Variants in CLSTN2 observed in about 807,000 individuals in gnomAD.
CLSTN2 encodes calsyntenin-2.
CLSTN2 carries 48 observed loss-of-function variants against 101.2 expected under a neutral mutation model. That is an observed-to-expected ratio of 0.47 (90% CI 0.38 to 0.60). The LOEUF is 0.60. Among genes scored for constraint, CLSTN2 ranks in the 20% least tolerant of loss-of-function variants. The pLI is 0.00. For missense variants in CLSTN2, 1,160 were observed against 1,238.2 expected (o/e 0.94, Z 0.95); for synonymous variants, 481 against 463.6 (o/e 1.04, Z -0.48).
intron 8 of CLSTN2, among the ~76,000 whole-genome samples, chr3:140,486,652 TAGAC>T (rs1406140581): frequency 1.3e-5 from 2 of 152,120 alleles, no homozygotes; most frequent in Non-Finnish European, 2.9e-5. Context: ...TTTCTTGAAA[TAGAC>T]AGACAAAAGG....
At chr3:140,274,933 G>A (rs1001914276) in intron 2 of CLSTN2, among the ~76,000 whole-genome samples, 5 of 152,140 alleles carry the variant, frequency 3.3e-5, no homozygotes, top group Admixed American at 1.3e-4. Flanking sequence ...GGGCTCCTGT[G>A]GCTTTAGTCC....
At chr3:140,204,561 G>C (rs1271528101) in intron 2 of CLSTN2, among the ~76,000 whole-genome samples, 3 of 152,026 alleles carry the variant, frequency 2.0e-5, no homozygotes, top group African/African-American at 7.3e-5. Flanking sequence ...TTGGGAAAAG[G>C]CAAATCCTTG....
intron 7 of CLSTN2, among the ~76,000 whole-genome samples, chr3:140,463,606 G>A (rs959825395): frequency 6.6e-5 from 10 of 152,176 alleles, no homozygotes; most frequent in African/African-American, 2.4e-4. Flanking sequence ...GGCGAGTCCT[G>A]GAAAGGCCTG....
chr3:140,541,026 C>T (rs920134095), intron 9 of CLSTN2, among the ~76,000 whole-genome samples: 2 of 152,228 alleles, frequency 1.3e-5, no homozygotes, highest in Non-Finnish European at 2.9e-5. Context: ...CTGCTGAAGC[C>T]ATTCTGTGTC....
At chr3:139,937,638 G>C (rs915901161) in intron 1 of CLSTN2, among the ~76,000 whole-genome samples, 18 of 151,934 alleles carry the variant, frequency 1.2e-4, no homozygotes, top group Non-Finnish European at 2.5e-4. Flanking sequence ...CAGCTACTCG[G>C]GAGGCTGAGG....
chr3:140,025,945 T>C (rs1213090266), intron 1 of CLSTN2, among the ~76,000 whole-genome samples: 3 of 152,290 alleles, frequency 2.0e-5, no homozygotes, highest in East Asian at 3.9e-4. Context: ...TCAAGGGCTC[T>C]GTGGTTGCTG....
Position 140,096,141 on chromosome 3 carries a change from G to T in CLSTN2, c.110-79810G>T, listed in dbSNP as rs78823436. On this transcript the variant is annotated intron_variant, in intron 1 of 16. Transcript: ENST00000458420. ...GCAAAGCCCAGTTTTAGAGTTCTCT[G>T]CTTCATCATCCTCATGCCTTCCTGA... 3.1e-3 allele frequency among the ~76,000 whole-genome samples: 472 copies of T among 152,260 alleles called. 1 individual carries two copies. Among genetic ancestry groups the T allele is most frequent in the Non-Finnish European group, 5.7e-3 (387 of 68,024 alleles).
At chr3:140,427,223 A>ATATATATATATG in intron 5 of CLSTN2, among the ~76,000 whole-genome samples, 1 of 102,926 alleles carries the variant, frequency 9.7e-6, no homozygotes, top group South Asian at 2.5e-4. Context: ...ATATATATAT[A>ATATATATATATG]TGTGTGTATA....
At chr3:140,208,372 G>T (rs1559806913) in intron 2 of CLSTN2, among the ~76,000 whole-genome samples, 1 of 152,140 alleles carries the variant, frequency 6.6e-6, no homozygotes, top group East Asian at 1.9e-4. Flanking sequence ...GTATTTAGGA[G>T]AATAGACTTC....
Position 140,175,994 on chromosome 3 carries a change from C to T in CLSTN2, c.153C>T (p.Val51=), listed in dbSNP as rs200226012. The change falls in exon 2 of 17, where the codon GTC becomes GTT. Residue 51 remains valine (V), a synonymous_variant. Transcript: ENST00000458420. ...GGATCGAGACTTCATATCATGGAGT[C>T]ATAACTGAGAACAATGACACAGTCA... ...KPWIETSYHG[V]ITENNDTVIL... is the part of the protein sequence containing the mutation. 15 of 1,613,500 alleles carry T rather than the reference C, an allele frequency of 9.3e-6. No individual in the cohort carries two copies. The highest frequency in any genetic ancestry group is 6.7e-5 in the Admixed American group (4 of 59,974).
At chr3:140,428,330 T>C (rs2088594694) in intron 5 of CLSTN2, among the ~76,000 whole-genome samples, 1 of 151,858 alleles carries the variant, frequency 6.6e-6, no homozygotes, top group Non-Finnish European at 1.5e-5. Context: ...CATTTTCCCT[T>C]TTATTGTTGC....
chr3:140,375,572 C>T (rs2087908415), intron 2 of CLSTN2, among the ~76,000 whole-genome samples: 1 of 152,144 alleles, frequency 6.6e-6, no homozygotes, highest in Non-Finnish European at 1.5e-5. Flanking sequence ...CCGCTTTGCT[C>T]TTTTGTTTCT....
At chr3:140,107,964 G>A (rs932582029) in intron 1 of CLSTN2, among the ~76,000 whole-genome samples, 1 of 152,160 alleles carries the variant, frequency 6.6e-6, no homozygotes, top group African/African-American at 2.4e-5. Flanking sequence ...AGGCAATTTG[G>A]GACCTTGATC....
intron 4 of CLSTN2, among the ~76,000 whole-genome samples, chr3:140,412,635 T>G (rs2088377217): frequency 6.6e-6 from 1 of 152,214 alleles, no homozygotes; most frequent in Non-Finnish European, 1.5e-5. Context: ...TAACATAAAA[T>G]TGTAAGCATT....
chr3:140,183,713 C>T (rs2010442799), intron 2 of CLSTN2, among the ~76,000 whole-genome samples: 1 of 152,136 alleles, frequency 6.6e-6, no homozygotes, highest in Admixed American at 6.5e-5. Context: ...CATCATTGTA[C>T]TGAAAACAAC....
intron 1 of CLSTN2, among the ~76,000 whole-genome samples, chr3:140,103,022 A>G (rs1438312354): frequency 1.3e-5 from 2 of 152,188 alleles, no homozygotes; most frequent in Non-Finnish European, 2.9e-5. Context: ...AAATCACATA[A>G]CTTACTGCCT....
At chr3:140,521,633 G>C (rs1161454616) in intron 8 of CLSTN2, among the ~76,000 whole-genome samples, 1 of 152,212 alleles carries the variant, frequency 6.6e-6, no homozygotes, top group African/African-American at 2.4e-5. Context: ...AAGAAATCTG[G>C]CTGATTTTTG....
In CLSTN2 at chr3:139,935,328, C is replaced by G. The variant is rs934178225; in HGVS notation, c.-47C>G. On this transcript the variant is annotated 5_prime_UTR_variant, in exon 1 of 17. Transcript: ENST00000458420. The surrounding 1 kb of genome is among the most constrained non-coding windows in gnomAD (Gnocchi z 5.5). ...GCAGGCACCGGGAGGCGAGAGCCGGCGCGGACAGTAGGCGGCGGCTGCAGC... is the reference window on the plus strand; with the variant it reads ...GCAGGCACCGGGAGGCGAGAGCCGGGGCGGACAGTAGGCGGCGGCTGCAGC... The G allele has an allele frequency of 1.9e-5, 20 of 1,065,794 alleles. No homozygotes were observed. In the Admixed American group the frequency reaches 7.8e-4, roughly 42 times the overall value. 66.0% of individuals were successfully genotyped at this position (1,065,794 alleles called of 1,614,324 possible).
chr3:139,963,380 C>A (rs942537405), intron 1 of CLSTN2, among the ~76,000 whole-genome samples: 1 of 152,122 alleles, frequency 6.6e-6, no homozygotes, highest in Non-Finnish European at 1.5e-5. Flanking sequence ...TCTAGTCCTA[C>A]TTTTCCAATC....
Sources: gnomAD v4.1 joint callset for allele counts (sites outside exome capture counted in the v4.1 genomes callset) on GRCh38, gnomAD v4.1.1 for gene constraint, Gnocchi (gnomAD v3.1) non-coding constraint, MANE v1.5 for transcripts, NCBI Gene and HGNC (gene_info 2026-07-23, HGNC 2026-07-21) for gene names.